PKD1L1: variants seen among roughly 807,000 people sequenced by gnomAD.
PKD1L1 encodes polycystin-1-like protein 1.
PKD1L1 carries 236 observed loss-of-function variants against 323.4 expected under a neutral mutation model. The observed-to-expected ratio is 0.73, with a 90% CI of 0.66 to 0.81. The LOEUF (loss-of-function observed/expected upper bound fraction) is 0.81, where lower values mean the gene tolerates loss of function less well. Ranked by LOEUF, PKD1L1 falls within the 40% of genes least tolerant of loss-of-function variation. PKD1L1 has a pLI of 0.00. For missense variants in PKD1L1, 3,320 were observed against 3,508.0 expected (o/e 0.95, Z 1.35); for synonymous variants, 1,344 against 1,335.0 (o/e 1.01, Z -0.15).
chr7:47,880,867 C>A, intron 20 of PKD1L1, 62 bp from the exon 21 acceptor site: 1 of 1,370,104 alleles, frequency 7.3e-7, no homozygotes, highest in Non-Finnish European at 1.0e-6. Flanking sequence ...AGAGGTCACA[C>A]AGAGTCCTTG....
intron 31 of PKD1L1, among the ~76,000 whole-genome samples, chr7:47,850,560 A>T (rs749151225): frequency 1.4e-5 from 2 of 140,784 alleles, no homozygotes; most frequent in Non-Finnish European, 3.1e-5. Context: ...TGAACCCAGG[A>T]GGCAGAGGTT....
At position 47,915,560 on chromosome 7, in the gene PKD1L1, G is replaced by A; in HGVS notation, c.1100C>T (p.Ser367Phe). ...FHLLHFQLDM[S>F]TYKEAETQNT... Reference sequence around the variant, plus strand: ...TTGTGTCTCTGCTTCTTTGTAGGTGGACATATCCAACTGAAAATGTAAAAG... The same window carrying A: ...TTGTGTCTCTGCTTCTTTGTAGGTGAACATATCCAACTGAAAATGTAAAAG... The change falls in exon 8 of 57, where the codon TCC (serine) becomes TTC (phenylalanine). Residue 367 changes from serine (S) to phenylalanine (F), a missense_variant. By Grantham distance (155) the Ser-to-Phe change is radical. Coordinates refer to ENST00000289672, the MANE Select transcript of PKD1L1 (RefSeq NM_138295.5). 4 of 1,554,682 alleles carry A rather than the reference G, an allele frequency of 2.6e-6. No homozygotes were observed. Among genetic ancestry groups the A allele is most frequent in the Non-Finnish European group, 3.5e-6 (4 of 1,131,622 alleles).
intron 52 of PKD1L1, among the ~76,000 whole-genome samples, chr7:47,805,203 A>T (rs1042806555): frequency 7.9e-5 from 12 of 152,212 alleles, no homozygotes; most frequent in African/African-American, 2.2e-4. Context: ...AACTTGCCCA[A>T]TGGCACATGG....
chr7:47,792,512 AAAGAATATTTATGC>A, intron 56 of PKD1L1, 101 bp downstream of exon 56: 1 of 1,074,108 alleles, frequency 9.3e-7, no homozygotes. Flanking sequence ...TATGATATCT[AAAGAATATTTATGC>A]AAATGGACCT....
Position 47,839,456 on chromosome 7 carries a change from C to A in PKD1L1, c.5759G>T (p.Gly1920Val), listed in dbSNP as rs1785522835. ...CTGGAGGGAGCCTACCTTCCGGAAG[C>A]CGAGTCCCCCTTGCAGACAGGTGAG... The part of the protein sequence containing the change: ...RELTCLQGGL[G>V]FRKLFYCKFT... The change falls in exon 36 of 57, where the codon GGC becomes GTC. Residue 1920 changes from glycine to valine, a missense_variant. By Grantham distance (109) the Gly-to-Val change is moderately radical. Transcript: ENST00000289672. This position sits in a 1 kb window ranked among gnomAD's most constrained non-coding sequence, Gnocchi z 4.3. 6.2e-7 allele frequency: 1 copy of A among 1,608,898 alleles called. No homozygotes were observed. The highest frequency in any genetic ancestry group is 2.2e-5 in the East Asian group (1 of 44,764).
In PKD1L1 at chr7:47,902,458, G is replaced by C; in HGVS notation, c.1985C>G (p.Thr662Ser). The C allele has an allele frequency of 6.2e-7, 1 of 1,614,174 alleles. No homozygotes were observed. The highest frequency in any genetic ancestry group is 8.5e-7 in the Non-Finnish European group (1 of 1,179,992). ...CACGATGAAAAGTTGCTGTCTTAGA[G>C]TGGAGGCACTGACATTATTGAAGGC... ...VLAFNNVSASTLRQQLFIVCE... is the reference protein window; with the variant it reads ...VLAFNNVSASSLRQQLFIVCE... Residue 662 changes from threonine to serine, a missense_variant, in exon 13 of 57, where the codon ACT (threonine) becomes AGT (serine). Physicochemically the swap from Thr to Ser is moderately conservative, Grantham distance 58. Coordinates refer to ENST00000289672, the MANE Select transcript of PKD1L1 (RefSeq NM_138295.5).
At chr7:47,808,526 G>GA in intron 51 of PKD1L1, 139 bp from the exon 52 acceptor site, 1 of 1,034,174 alleles carries the variant, frequency 9.7e-7, no homozygotes, top group Non-Finnish European at 1.4e-6. Context: ...ATCGCTGGGT[G>GA]ATTTTGTCCT....
intron 4 of PKD1L1, among the ~76,000 whole-genome samples, chr7:47,932,516 T>A (rs528934942): frequency 5.3e-5 from 8 of 152,328 alleles, no homozygotes; most frequent in Non-Finnish European, 8.8e-5. Flanking sequence ...GGCTTGGGAA[T>A]GGGACTCAAG....
chr7:47,901,245 G>A (rs957315132), intron 13 of PKD1L1, among the ~76,000 whole-genome samples: 2 of 149,504 alleles, frequency 1.3e-5, no homozygotes, highest in Non-Finnish European at 3.0e-5. Context: ...GGCTGAGGCA[G>A]GAGAATCGCT....
At chr7:47,954,481 CCTTT>C in the PKD1L1 span, among the ~76,000 whole-genome samples, 1 of 152,144 alleles carries the variant, frequency 6.6e-6, no homozygotes, top group Non-Finnish European at 1.5e-5. Flanking sequence ...CCTCTTGCCT[CCTTT>C]CTGTCTCCTG....
At chr7:47,784,494 C>T (rs761811132) in intron 56 of PKD1L1, among the ~76,000 whole-genome samples, 14 of 151,118 alleles carry the variant, frequency 9.3e-5, no homozygotes, top group South Asian at 6.3e-4. Flanking sequence ...TTTTTTGAGA[C>T]GGAGTTTCAC....
the PKD1L1 span, among the ~76,000 whole-genome samples, chr7:47,959,424 T>C: frequency 1.4e-5 from 2 of 145,352 alleles, no homozygotes; most frequent in African/African-American, 2.5e-5. Flanking sequence ...GAGGAGCGTC[T>C]CTGCCCGGCC....
At chr7:47,826,445 G>A (rs571816367) in intron 45 of PKD1L1, among the ~76,000 whole-genome samples, 22 of 152,170 alleles carry the variant, frequency 1.4e-4, no homozygotes, top group African/African-American at 4.6e-4. Flanking sequence ...TAACACAACC[G>A]CAGCTCTTCT....
In PKD1L1 at chr7:47,885,780, T is replaced by C; in HGVS notation, c.3111A>G (p.Leu1037=). ...TGCTCTGTGGCCCTGGCTCTAGGTC[T>C]AGTGAACCTTCCTCTGGAGCCTCCC... The part of the protein sequence containing the change: ...VLGEAPEEGS[L]DLEPGPQSKG... The change falls in exon 18 of 57, where the codon CTA becomes CTG. Residue 1037 remains leucine (L), a synonymous_variant. Transcript: ENST00000289672. The C allele has an allele frequency of 5.6e-6, 9 of 1,614,214 alleles. No individual in the cohort carries two copies. The highest frequency in any genetic ancestry group is 7.6e-6 in the Non-Finnish European group (9 of 1,180,038).
chr7:47,936,047 T>C (rs1399341526), intron 4 of PKD1L1, among the ~76,000 whole-genome samples: 3 of 152,232 alleles, frequency 2.0e-5, no homozygotes, highest in Non-Finnish European at 2.9e-5. Context: ...TAATTTCCAT[T>C]AGAAGGAGTA....
chr7:47,846,414 AG>A (rs1224343210), intron 32 of PKD1L1, among the ~76,000 whole-genome samples: 1 of 152,210 alleles, frequency 6.6e-6, no homozygotes, highest in Admixed American at 6.5e-5. Flanking sequence ...CTTCACCACC[AG>A]GCTGTGGAGG....
chr7:47,829,777 A>G (rs570057119), intron 43 of PKD1L1, among the ~76,000 whole-genome samples, 176 bp from the exon 44 acceptor site: 1 of 152,202 alleles, frequency 6.6e-6, no homozygotes, highest in Non-Finnish European at 1.5e-5. Context: ...GCCCCGCCCA[A>G]GAGACCTAAA....
chr7:47,813,287 T>C lies in PKD1L1; in HGVS notation c.7180A>G (p.Arg2394Gly), dbSNP rs138441246. 2,543 of 1,614,068 alleles carry C rather than the reference T, an allele frequency of 1.6e-3. 9 individuals are homozygous for C. The Middle Eastern group carries it at 0.017, about 11-fold the overall frequency. The stretch of plus-strand genomic sequence containing the variant: ...TCTTCGATGAGTGCTGAAAATGGCC[T>C]GGGAGGCTGCAGAACAAACCAGCAG... ...VFPRHLCKPP[R>G]PFSALIEDSI... Residue 2394 changes from arginine to glycine, a missense_variant, in exon 49 of 57, where the codon AGG becomes GGG. Coordinates refer to ENST00000289672, the MANE Select transcript of PKD1L1 (RefSeq NM_138295.5).
Position 47,813,125 on chromosome 7 carries a change from T to C in PKD1L1, c.7342A>G (p.Thr2448Ala), listed in dbSNP as rs537233816. ...REDCVLSLGR[T>A]RTEAHTALSR... is the part of the protein sequence containing the mutation. Reference sequence around the variant, plus strand: ...GGCCCTTCGAATCTCACTGACCTTGTTCTGCCCAGGCTGAGCACACAGTCC... The same window carrying C: ...GGCCCTTCGAATCTCACTGACCTTGCTCTGCCCAGGCTGAGCACACAGTCC... Residue 2448 changes from threonine (T) to alanine (A), a missense_variant, in exon 49 of 57, where the codon ACA becomes GCA. Transcript: ENST00000289672. 17 of 1,612,950 alleles carry C rather than the reference T, an allele frequency of 1.1e-5. No individual in the cohort carries two copies. Among genetic ancestry groups the C allele is most frequent in the Non-Finnish European group, 1.4e-5 (17 of 1,179,830 alleles).
Sources: allele counts gnomAD v4.1 joint callset (sites outside exome capture counted in the v4.1 genomes callset), GRCh38; gene constraint gnomAD v4.1.1; non-coding constraint Gnocchi (gnomAD v3.1); transcripts MANE v1.5; gene names NCBI Gene and HGNC (gene_info 2026-07-23, HGNC 2026-07-21).